Variants in GALNT13 observed in about 807,000 individuals in gnomAD.
The protein encoded by GALNT13 is UDP-GalNAc:polypeptide N-acetylgalactosaminyltransferase 13.
GALNT13 carries 28 observed loss-of-function variants against 64.2 expected under a neutral mutation model. The observed-to-expected ratio is 0.44, with a 90% confidence interval of 0.32 to 0.60. The LOEUF is 0.60. Among genes scored for constraint, GALNT13 ranks in the 20% least tolerant of loss-of-function variants. The pLI is 0.05. For missense variants in GALNT13, 577 were observed against 669.8 expected, an observed-to-expected ratio of 0.86 and a Z score of 1.53; for synonymous variants, 214 against 224.6, an observed-to-expected ratio of 0.95 and a Z score of 0.42.
At chr2:153,889,501 T>G (rs1445757634) in intron 1 of GALNT13, among the ~76,000 whole-genome samples, 1 of 152,038 alleles carries the variant, frequency 6.6e-6, no homozygotes, top group East Asian at 1.9e-4. Context: ...TTATAAAATC[T>G]CATATGTATT....
chr2:153,658,916 C>T, the GALNT13 span, among the ~76,000 whole-genome samples: 46 of 152,016 alleles, frequency 3.0e-4, no homozygotes, highest in Admixed American at 1.5e-3. Context: ...TATCAGCCCA[C>T]GTTTGTGCCT....
At chr2:153,354,039 T>G in the GALNT13 span, among the ~76,000 whole-genome samples, 1 of 152,164 alleles carries the variant, frequency 6.6e-6, no homozygotes, top group Non-Finnish European at 1.5e-5. Context: ...GTACTTTCTG[T>G]TTTGGAAGGC....
chr2:153,599,172 A>T, the GALNT13 span, among the ~76,000 whole-genome samples: 1 of 152,060 alleles, frequency 6.6e-6, no homozygotes, highest in Non-Finnish European at 1.5e-5. Context: ...TAAAGCTTCA[A>T]AATTTTTTTC....
intron 3 of GALNT13, among the ~76,000 whole-genome samples, chr2:154,116,210 A>T (rs1681554209): frequency 6.6e-6 from 1 of 152,128 alleles, no homozygotes; most frequent in African/African-American, 2.4e-5. Context: ...AAAAAGGTGC[A>T]TCAGTGTTTA....
chr2:154,429,312 G>A (rs920658107), intron 11 of GALNT13, among the ~76,000 whole-genome samples: 1 of 152,114 alleles, frequency 6.6e-6, no homozygotes, highest in African/African-American at 2.4e-5. Context: ...AAAAATTCTT[G>A]AAGGAAATTG....
intron 12 of GALNT13, chr2:154,446,541 T>G: frequency 6.6e-7 from 1 of 1,515,678 alleles, no homozygotes; most frequent in African/African-American, 1.4e-5. Flanking sequence ...GATTTTGTCA[T>G]TATTCGTTAT....
At chr2:153,841,204 G>A in the GALNT13 span, among the ~76,000 whole-genome samples, 1 of 151,922 alleles carries the variant, frequency 6.6e-6, no homozygotes, top group African/African-American at 2.4e-5. Flanking sequence ...TCCTTCTATA[G>A]AGGAATTCTT....
chr2:154,406,445 T>C (rs1351364692), intron 10 of GALNT13, among the ~76,000 whole-genome samples: 1 of 152,150 alleles, frequency 6.6e-6, no homozygotes, highest in Non-Finnish European at 1.5e-5. Context: ...GATACCTCTC[T>C]AACCTGCCCC....
At chr2:154,163,278 A>G (rs1220379261) in intron 4 of GALNT13, among the ~76,000 whole-genome samples, 1 of 150,830 alleles carries the variant, frequency 6.6e-6, no homozygotes, top group Admixed American at 6.6e-5. Flanking sequence ...GACACAAAAA[A>G]CCCTTCAAAA....
chr2:154,440,559 TATA>T (rs765458367), intron 12 of GALNT13, among the ~76,000 whole-genome samples: 4 of 152,166 alleles, frequency 2.6e-5, no homozygotes, highest in Non-Finnish European at 4.4e-5. Context: ...TTCAGAGCAC[TATA>T]ATATTTTGTG....
chr2:153,471,436 G>GAAGAA, the GALNT13 span, among the ~76,000 whole-genome samples: 4,848 of 152,180 alleles, frequency 0.032, 99 homozygotes, highest in Middle Eastern at 0.071. Context: ...ACTCCACAGA[G>GAAGAA]AAGAGAAATA....
intron 10 of GALNT13, among the ~76,000 whole-genome samples, chr2:154,400,366 TGGG>T (rs1238691219): frequency 6.6e-6 from 1 of 152,172 alleles, no homozygotes; most frequent in African/African-American, 2.4e-5. Flanking sequence ...GAAATGAAAT[TGGG>T]TGGCTTTAAC....
chr2:154,373,731 TAAC>T (rs1226864958), intron 9 of GALNT13, among the ~76,000 whole-genome samples: 1 of 152,182 alleles, frequency 6.6e-6, no homozygotes, highest in Non-Finnish European at 1.5e-5. Flanking sequence ...TGCAGAATAG[TAAC>T]AACAAACGTT....
At chr2:153,797,953 C>A in the GALNT13 span, among the ~76,000 whole-genome samples, 2 of 152,170 alleles carry the variant, frequency 1.3e-5, no homozygotes, top group Admixed American at 6.5e-5. Flanking sequence ...CATCATCTAG[C>A]ACCTGGCTTT....
chr2:153,428,970 C>T, the GALNT13 span, among the ~76,000 whole-genome samples: 1 of 152,048 alleles, frequency 6.6e-6, no homozygotes, highest in Non-Finnish European at 1.5e-5. Context: ...CACCAAATAC[C>T]CTCTTCTTCC....
the GALNT13 span, among the ~76,000 whole-genome samples, chr2:153,118,792 A>G: frequency 6.6e-6 from 1 of 152,316 alleles, no homozygotes. Flanking sequence ...AATAGATAAA[A>G]TTATTATCTT....
the GALNT13 span, among the ~76,000 whole-genome samples, chr2:153,148,473 T>C: frequency 3.2e-5 from 4 of 125,754 alleles, no homozygotes; most frequent in African/African-American, 1.3e-4. Context: ...TGTCATCCAT[T>C]TTTTCTTTTT....
At chr2:154,217,040 G>A (rs544280656) in intron 4 of GALNT13, among the ~76,000 whole-genome samples, 25 of 151,016 alleles carry the variant, frequency 1.7e-4, no homozygotes, top group East Asian at 1.4e-3. Flanking sequence ...TAATCCTTCC[G>A]CCGCAGCTTC....
the GALNT13 span, among the ~76,000 whole-genome samples, chr2:153,413,902 A>G: frequency 6.6e-6 from 1 of 152,194 alleles, no homozygotes; most frequent in South Asian, 2.1e-4. Context: ...TTGATTCAGA[A>G]TGTATAAAAG....
Sources: gnomAD v4.1 joint callset for allele counts (sites outside exome capture counted in the v4.1 genomes callset) on GRCh38, gnomAD v4.1.1 for gene constraint, MANE v1.5 for transcripts, NCBI Gene and HGNC (gene_info 2026-07-23, HGNC 2026-07-21) for gene names.